Variants in CENPU observed in about 807,000 individuals in gnomAD.
The protein encoded by CENPU is centromere protein U.
In CENPU, 46 loss-of-function variants were observed where a neutral mutation model predicts 56.7. The observed-to-expected ratio is 0.81, with a 90% CI of 0.64 to 1.04. The LOEUF (loss-of-function observed/expected upper bound fraction) is 1.04, where lower values mean the gene tolerates loss of function less well. Ranked by LOEUF, CENPU falls within the 50% of genes least tolerant of loss-of-function variation. The pLI is 0.00. For synonymous variants in CENPU, 166 were observed against 163.0 expected, an observed-to-expected ratio of 1.02 and a Z score of -0.14; for missense variants, 510 against 490.1, an observed-to-expected ratio of 1.04 and a Z score of -0.38.
chr4:184,727,740 A>G (rs1761507828), intron 3 of CENPU, among the ~76,000 whole-genome samples: 1 of 152,240 alleles, frequency 6.6e-6, no homozygotes, highest in Admixed American at 6.5e-5. Flanking sequence ...CAAAAAATAG[A>G]AACCACCCAA....
At chr4:184,710,982 A>C (rs1306930028) in intron 7 of CENPU, among the ~76,000 whole-genome samples, 1 of 152,078 alleles carries the variant, frequency 6.6e-6, no homozygotes, top group East Asian at 1.9e-4. Context: ...CAGCCTCCCA[A>C]GCAGCTGGGA....
chr4:184,702,231 T>C, intron 9 of CENPU, 95 bp from the exon 10 acceptor site: 3 of 1,259,524 alleles, frequency 2.4e-6, no homozygotes, highest in Non-Finnish European at 3.5e-6. Flanking sequence ...AACAGTTATG[T>C]GGAATATGAA....
chr4:184,694,306 T>C lies in CENPU; in HGVS notation c.*982A>G, dbSNP rs1235163372. On this transcript the variant is annotated 3_prime_UTR_variant, in exon 13 of 13. Coordinates refer to ENST00000281453, the MANE Select transcript of CENPU (RefSeq NM_024629.4). ...CACAGAACTGTAGGTAATTTCAAAT[T>C]TGGAGTTTCAAGTGTGTCTGAGCTT... 28 of 1,324,922 alleles carry C rather than the reference T, an allele frequency of 2.1e-5. No homozygotes were observed. Among genetic ancestry groups the C allele is most frequent in the African/African-American group, 4.4e-5 (3 of 68,160 alleles). The allele number at this position is 1,324,922 out of a possible 1,614,324, so 82.1% of individuals were successfully genotyped here.
intron 1 of CENPU, chr4:184,733,437 G>A (rs1372857178): frequency 2.9e-5 from 29 of 988,414 alleles, no homozygotes; most frequent in Non-Finnish European, 3.3e-5. Context: ...ATGGCCATTC[G>A]CCAACGAATC....
intron 6 of CENPU, 92 bp downstream of exon 6, chr4:184,716,305 G>T (rs1318934603): frequency 3.9e-6 from 3 of 775,180 alleles, no homozygotes; most frequent in East Asian, 5.1e-5. Flanking sequence ...TCTTTGAAAA[G>T]ATCTGAAGGA....
chr4:184,717,108 A>C, intron 5 of CENPU, 28 bp downstream of exon 5: 1 of 1,477,572 alleles, frequency 6.8e-7, no homozygotes, highest in Non-Finnish European at 9.4e-7. Context: ...TTACAAATTA[A>C]AGTAGAAGAG....
chr4:184,724,851 G>T, intron 4 of CENPU, 106 bp downstream of exon 4: 1 of 685,126 alleles, frequency 1.5e-6, no homozygotes, highest in Non-Finnish European at 2.4e-6. Flanking sequence ...TAACAAGTTG[G>T]CTCAAAGGAT....
At chr4:184,706,207 A>T (rs1178167338) in intron 8 of CENPU, among the ~76,000 whole-genome samples, 2 of 152,246 alleles carry the variant, frequency 1.3e-5, no homozygotes, top group African/African-American at 4.8e-5. Context: ...AGATGTTAAA[A>T]TATTTTTAAA....
In CENPU at chr4:184,694,787, A is replaced by C. The variant is rs768217639; in HGVS notation, c.*501T>G. On this transcript the variant is annotated 3_prime_UTR_variant, in exon 13 of 13. Coordinates refer to ENST00000281453, the MANE Select transcript of CENPU (RefSeq NM_024629.4). ...GAAGTATTACAAGAGTAACTAATTC[A>C]CTATGAACACTTTTGTCACCAGGCT... 3.8e-6 allele frequency: 6 copies of C among 1,596,320 alleles called. No homozygotes were observed. The highest frequency in any genetic ancestry group is 5.1e-6 in the Non-Finnish European group (6 of 1,165,392).
chr4:184,697,842 GC>G, intron 11 of CENPU, 39 bp from the exon 12 acceptor site: 1 of 1,528,724 alleles, frequency 6.5e-7, no homozygotes, highest in Non-Finnish European at 8.8e-7. Flanking sequence ...AAATGTACCA[GC>G]CTATCGTGGT....
At chr4:184,722,954 G>A (rs1176452507) in intron 4 of CENPU, among the ~76,000 whole-genome samples, 1 of 152,094 alleles carries the variant, frequency 6.6e-6, no homozygotes, top group Non-Finnish European at 1.5e-5. Flanking sequence ...TCACTTAGGT[G>A]GCAATGTGGC....
At chr4:184,701,201 T>TAGGA in intron 10 of CENPU, among the ~76,000 whole-genome samples, 1 of 152,164 alleles carries the variant, frequency 6.6e-6, no homozygotes, top group East Asian at 1.9e-4. Context: ...CTAGGCATAC[T>TAGGA]AGGAAACTAT....
chr4:184,704,503 A>G (rs35613786), intron 8 of CENPU, among the ~76,000 whole-genome samples: 83,673 of 151,846 alleles, frequency 0.55, 25,105 homozygotes, highest in Non-Finnish European at 0.69. Context: ...GTTTAAGTAC[A>G]CTGTTAACAC....
At chr4:184,723,365 G>A (rs551621126) in intron 4 of CENPU, among the ~76,000 whole-genome samples, 5 of 152,204 alleles carry the variant, frequency 3.3e-5, no homozygotes, top group Admixed American at 2.0e-4. Flanking sequence ...GGGAAGAATC[G>A]GGTTCTAGGA....
At chr4:184,707,696 C>G (rs1286923477) in intron 8 of CENPU, among the ~76,000 whole-genome samples, 1 of 152,164 alleles carries the variant, frequency 6.6e-6, no homozygotes, top group Admixed American at 6.5e-5. Flanking sequence ...TGGCCTTCTT[C>G]TATACATACT....
chr4:184,702,348 T>C lies in CENPU; in HGVS notation c.876+15A>G, dbSNP rs1405256984. ...AAAAAACCTTAGACCAACAAATGCA[T>C]GTCCGTGAGCTTACCATTTTGATGA... On this transcript the variant is annotated intron_variant, in intron 9 of 12. Coordinates refer to ENST00000281453, the MANE Select transcript of CENPU (RefSeq NM_024629.4). 3.7e-6 allele frequency: 6 copies of C among 1,608,750 alleles called. No homozygotes were observed. In the Middle Eastern group the frequency reaches 5.0e-4, roughly 133 times the overall value.
At chr4:184,725,093 T>A (rs1561144551) in intron 3 of CENPU, 31 bp from the exon 4 acceptor site, 2 of 1,438,872 alleles carry the variant, frequency 1.4e-6, no homozygotes, top group South Asian at 2.4e-5. Context: ...AGCACAACTT[T>A]AAAAGTCTGG....
intron 2 of CENPU, 122 bp from the exon 3 acceptor site, chr4:184,729,157 G>A: frequency 1.4e-6 from 1 of 730,244 alleles, no homozygotes; most frequent in Non-Finnish European, 2.4e-6. Flanking sequence ...TGCATGGGGT[G>A]ATGGATTCAC....
At chr4:184,718,221 G>A (rs764179300) in intron 4 of CENPU, among the ~76,000 whole-genome samples, 2 of 152,182 alleles carry the variant, frequency 1.3e-5, no homozygotes, top group Non-Finnish European at 2.9e-5. Context: ...CTGGGGCCTC[G>A]ACGTTTCTGC....
Sources: allele counts gnomAD v4.1 joint callset (sites outside exome capture counted in the v4.1 genomes callset), GRCh38; gene constraint gnomAD v4.1.1; transcripts MANE v1.5; gene names NCBI Gene and HGNC (gene_info 2026-07-23, HGNC 2026-07-21).